SEC61B: variants seen among roughly 807,000 people sequenced by gnomAD.
SEC61B encodes the protein SEC61 translocon subunit beta, also known as protein transport protein Sec61 subunit beta.
SEC61B carries 7 observed loss-of-function variants against 12.6 expected under a neutral mutation model. That is an observed-to-expected ratio of 0.55 (90% CI 0.32 to 1.04). The LOEUF is 1.04. SEC61B is among the 50% of genes least tolerant of loss of function. SEC61B has a pLI of 0.05. For synonymous variants in SEC61B, 54 were observed against 50.1 expected (o/e 1.08, Z -0.33); for missense variants, 107 against 130.1 (o/e 0.82, Z 0.86).
In SEC61B at chr9:99,222,345, T is replaced by A; in HGVS notation, c.-19T>A. 1 of 1,614,190 alleles carries A rather than the reference T, an allele frequency of 6.2e-7. No individual in the cohort carries two copies. The highest frequency in any genetic ancestry group is 8.5e-7 in the Non-Finnish European group (1 of 1,180,036). On this transcript the variant is annotated 5_prime_UTR_variant, in exon 1 of 4. Transcript: ENST00000223641. Reference sequence around the variant, plus strand: ...TTTCTATCCGTCCGCGTCAGCGCCTTGCCACCCTCATCTCCAATATGGTAT... The same window carrying A: ...TTTCTATCCGTCCGCGTCAGCGCCTAGCCACCCTCATCTCCAATATGGTAT...
rs114059827 is a variant in SEC61B, at chr9:99,228,162, A to G, written c.203+162A>G. On this transcript the variant is annotated intron_variant, in intron 3 of 3. Coordinates refer to ENST00000223641, the MANE Select transcript of SEC61B (RefSeq NM_006808.3). Reference sequence around the variant, plus strand: ...CTGGGTTTGGTTTGCCTGTTTATCAACCGATTAGGCATTGTAGGGCCGGGA... The same window carrying G: ...CTGGGTTTGGTTTGCCTGTTTATCAGCCGATTAGGCATTGTAGGGCCGGGA... Among the ~76,000 whole-genome samples, 272 of 152,322 alleles carry G rather than the reference A, an allele frequency of 1.8e-3. 3 individuals carry two copies. The highest frequency in any genetic ancestry group is 6.2e-3 in the African/African-American group (258 of 41,566).
intron 2 of SEC61B, chr9:99,222,871 A>G (rs555079674): frequency 5.2e-5 from 24 of 460,076 alleles, no homozygotes; most frequent in East Asian, 5.1e-4. Context: ...ACAAACTGGA[A>G]TAGAGTCAGA....
At chr9:99,223,745 C>A (rs1164112534) in intron 2 of SEC61B, among the ~76,000 whole-genome samples, 2 of 152,220 alleles carry the variant, frequency 1.3e-5, no homozygotes, top group Non-Finnish European at 2.9e-5. Flanking sequence ...GAACCCATTA[C>A]TGTTTTCTGA....
In SEC61B at chr9:99,227,135, G is replaced by T. The variant is rs553730055; in HGVS notation, c.102-764G>T. The stretch of plus-strand genomic sequence containing the variant: ...ACAAAAATTAGCTGGGCATGGTGGC[G>T]CACGCCTGTAATCCCAGCTAAGCAG... On this transcript the variant is annotated intron_variant, in intron 2 of 3. Coordinates refer to ENST00000223641, the MANE Select transcript of SEC61B (RefSeq NM_006808.3). Among the ~76,000 whole-genome samples, 14 of 151,812 alleles carry T rather than the reference G, an allele frequency of 9.2e-5. No individual in the cohort carries two copies. In the South Asian group the frequency reaches 2.7e-3, roughly 29 times the overall value.
At chr9:99,223,945 A>G (rs780231211) in intron 2 of SEC61B, among the ~76,000 whole-genome samples, 2 of 152,162 alleles carry the variant, frequency 1.3e-5, no homozygotes, top group Non-Finnish European at 2.9e-5. Context: ...TATCTCCTTC[A>G]TTAGACTTTA....
At chr9:99,225,855 G>A (rs1297030268) in intron 2 of SEC61B, among the ~76,000 whole-genome samples, 1 of 152,172 alleles carries the variant, frequency 6.6e-6, no homozygotes, top group African/African-American at 2.4e-5. Context: ...GTGATATTGT[G>A]GAAATAGTAG....
chr9:99,230,098 T>C (rs1175333330), intron 3 of SEC61B, among the ~76,000 whole-genome samples: 1 of 152,220 alleles, frequency 6.6e-6, no homozygotes, highest in East Asian at 1.9e-4. Context: ...TTTGGTATGT[T>C]TTACTAAAAG....
At chr9:99,229,204 T>C (rs889824685) in intron 3 of SEC61B, among the ~76,000 whole-genome samples, 4 of 152,230 alleles carry the variant, frequency 2.6e-5, no homozygotes, top group South Asian at 2.1e-4. Flanking sequence ...TGGAGACTTA[T>C]ATGATAATGT....
intron 2 of SEC61B, among the ~76,000 whole-genome samples, chr9:99,225,250 A>G (rs1213395339): frequency 6.6e-6 from 1 of 152,214 alleles, no homozygotes; most frequent in African/African-American, 2.4e-5. Context: ...GGAAAATAAG[A>G]CAATGTAATT....
chr9:99,228,139 G>A (rs1011298596), intron 3 of SEC61B, 139 bp downstream of exon 3: 3 of 635,422 alleles, frequency 4.7e-6, no homozygotes, highest in Non-Finnish European at 8.1e-6. Flanking sequence ...CAGGCGGACT[G>A]GGTTTGGTTT....
At chr9:99,228,858 C>T (rs1828928906) in intron 3 of SEC61B, among the ~76,000 whole-genome samples, 1 of 152,176 alleles carries the variant, frequency 6.6e-6, no homozygotes, top group African/African-American at 2.4e-5. Context: ...GGCAAAGTGA[C>T]ATGCTCAAAG....
chr9:99,223,201 T>G (rs1352344331), intron 2 of SEC61B: 2 of 152,244 alleles, frequency 1.3e-5, no homozygotes, highest in East Asian at 3.9e-4. Context: ...TCCTTTTCCC[T>G]TTCTACTGCT....
chr9:99,223,456 C>T lies in SEC61B; in HGVS notation c.101+813C>T, dbSNP rs1337140064. On this transcript the variant is annotated intron_variant, in intron 2 of 3. Coordinates refer to ENST00000223641, the MANE Select transcript of SEC61B (RefSeq NM_006808.3). ...TCGCCCAGGCTGGAGTGCAGTGGCA[C>T]GATCTCGGCTCACTACAGCCTTTGC... Among the ~76,000 whole-genome samples the T allele has an allele frequency of 5.3e-5, 8 of 151,266 alleles. No individual in the cohort carries two copies. The East Asian group carries it at 1.4e-3, about 26-fold the overall frequency.
chr9:99,224,092 G>A (rs1047336714), intron 2 of SEC61B, among the ~76,000 whole-genome samples: 5 of 152,126 alleles, frequency 3.3e-5, no homozygotes, highest in Non-Finnish European at 5.9e-5. Context: ...TTTTATCTAG[G>A]GAGGAAAAAA....
chr9:99,223,028 C>T (rs1253562451), intron 2 of SEC61B: 13 of 173,146 alleles, frequency 7.5e-5, no homozygotes, highest in Admixed American at 7.4e-4. Context: ...GCTCAGCTCT[C>T]TCACTCTCAA....
Position 99,230,501 on chromosome 9 carries a change from T to A in SEC61B, c.*77T>A. The A allele has an allele frequency of 1.1e-6, 1 of 930,964 alleles. No individual in the cohort carries two copies. Among genetic ancestry groups the A allele is most frequent in the Non-Finnish European group, 1.7e-6 (1 of 580,048 alleles). 57.7% of individuals were successfully genotyped at this position (930,964 alleles called of 1,614,324 possible). A position where few individuals can be genotyped will look rare whatever the true frequency, so the allele number is the denominator to read the frequency against. On this transcript the variant is annotated 3_prime_UTR_variant, in exon 4 of 4. Coordinates refer to ENST00000223641, the MANE Select transcript of SEC61B (RefSeq NM_006808.3). ...TCTTGGACCAAAAGTATAGTGACTA[T>A]CTGTTCATGAGAGAAATTTTCTGTA...
chr9:99,222,355 A>T lies in SEC61B; in HGVS notation c.-9A>T. 2 of 1,613,808 alleles carry T rather than the reference A, an allele frequency of 1.2e-6. No individual in the cohort carries two copies. Among genetic ancestry groups the T allele is most frequent in the Non-Finnish European group, 8.5e-7 (1 of 1,179,920 alleles). On this transcript the variant is annotated 5_prime_UTR_variant, in exon 1 of 4. Transcript: ENST00000223641. ...TCCGCGTCAGCGCCTTGCCACCCTC[A>T]TCTCCAATATGGTATGGCGGCCCTT...
At chr9:99,225,253 A>T (rs933568853) in intron 2 of SEC61B, among the ~76,000 whole-genome samples, 9 of 152,192 alleles carry the variant, frequency 5.9e-5, no homozygotes, top group Non-Finnish European at 1.2e-4. Context: ...AAATAAGACA[A>T]TGTAATTTCA....
intron 1 of SEC61B, 27 bp downstream of exon 1, chr9:99,222,393 C>T (rs1244711282): frequency 1.2e-6 from 2 of 1,614,162 alleles, no homozygotes; most frequent in South Asian, 2.2e-5. Flanking sequence ...ATGATCCCCG[C>T]CTCTCCCAGA....
Sources: allele counts gnomAD v4.1 joint callset (sites outside exome capture counted in the v4.1 genomes callset), GRCh38; gene constraint gnomAD v4.1.1; transcripts MANE v1.5; gene names NCBI Gene and HGNC (gene_info 2026-07-23, HGNC 2026-07-21).